CHLSN: variants seen among roughly 807,000 people sequenced by gnomAD.
CHLSN encodes the protein cholesin.
At chr7:1,108,765 C>T in the CHLSN span, among the ~76,000 whole-genome samples, 3 of 152,200 alleles carry the variant, frequency 2.0e-5, no homozygotes, top group African/African-American at 7.2e-5. Context: ...ACCGTGTGCA[C>T]CCGCTTTGAT....
chr7:1,058,496 G>C, the CHLSN span: 1 of 779,596 alleles, frequency 1.3e-6, no homozygotes, highest in African/African-American at 1.7e-5. Context: ...ACCACATGGG[G>C]GTGCAGCAGG....
At chr7:993,267 G>A in the CHLSN span, among the ~76,000 whole-genome samples, 11 of 152,226 alleles carry the variant, frequency 7.2e-5, no homozygotes, top group South Asian at 2.1e-4. Flanking sequence ...CCACTGGAGG[G>A]CGCATGGCAC....
chr7:993,847 T>C, the CHLSN span, among the ~76,000 whole-genome samples: 1 of 151,908 alleles, frequency 6.6e-6, no homozygotes, highest in Non-Finnish European at 1.5e-5. Context: ...CGGCCGAACC[T>C]GTGTCACTCT....
chr7:985,849 A>T, the CHLSN span, among the ~76,000 whole-genome samples: 1 of 152,186 alleles, frequency 6.6e-6, no homozygotes, highest in Non-Finnish European at 1.5e-5. Flanking sequence ...TCACGGCTGG[A>T]CCCAGAGACC....
chr7:1,069,433 C>T, the CHLSN span, among the ~76,000 whole-genome samples: 1 of 148,594 alleles, frequency 6.7e-6, no homozygotes, highest in African/African-American at 2.5e-5. Context: ...TGTACTGCTG[C>T]CATCTCGGCT....
chr7:1,028,303 C>G, the CHLSN span: 1 of 1,052,192 alleles, frequency 9.5e-7, no homozygotes. Flanking sequence ...GGCGCCGGGG[C>G]AGGGATGCGC....
At chr7:983,136 C>T in the CHLSN span, 2 of 1,274,234 alleles carry the variant, frequency 1.6e-6, no homozygotes, top group African/African-American at 1.5e-5. Context: ...GCGGGCACGC[C>T]CTCCCGCGGA....
At chr7:1,031,288 T>C in the CHLSN span, among the ~76,000 whole-genome samples, 1 of 152,214 alleles carries the variant, frequency 6.6e-6, no homozygotes, top group Non-Finnish European at 1.5e-5. Context: ...TAGGCTGTTT[T>C]TCTGAGATTT....
the CHLSN span, among the ~76,000 whole-genome samples, chr7:1,022,171 A>G: frequency 3.3e-5 from 5 of 152,200 alleles, no homozygotes; most frequent in African/African-American, 1.2e-4. Context: ...TGGTGACGGC[A>G]GCTCAGGAGG....
chr7:1,136,255 A>G, the CHLSN span, among the ~76,000 whole-genome samples: 1 of 118,462 alleles, frequency 8.4e-6, no homozygotes, highest in Non-Finnish European at 1.6e-5. Context: ...ATAAATATAT[A>G]TAAACATATA....
chr7:1,111,159 A>G, the CHLSN span, among the ~76,000 whole-genome samples: 1 of 152,226 alleles, frequency 6.6e-6, no homozygotes, highest in African/African-American at 2.4e-5. Context: ...TCTGTGGTAA[A>G]CTTTTGAGGA....
the CHLSN span, among the ~76,000 whole-genome samples, chr7:1,126,343 G>C: frequency 4.1e-5 from 5 of 121,816 alleles, no homozygotes; most frequent in Non-Finnish European, 8.1e-5. Context: ...CTGGGTGACA[G>C]AGCGAGACTC....
the CHLSN span, among the ~76,000 whole-genome samples, chr7:1,072,300 G>A: frequency 1.3e-5 from 2 of 152,176 alleles, no homozygotes; most frequent in African/African-American, 4.8e-5. Flanking sequence ...AGGAGGGCAC[G>A]GAAAACGTCC....
At chr7:1,097,367 G>A in the CHLSN span, among the ~76,000 whole-genome samples, 50 of 152,284 alleles carry the variant, frequency 3.3e-4, no homozygotes, top group African/African-American at 1.2e-3. This position sits in a 1 kb window ranked among gnomAD's most constrained non-coding sequence, Gnocchi z 4.3. Flanking sequence ...CAAAGGACAC[G>A]GTGTCCTCGC....
At chr7:986,651 G>T in the CHLSN span, 1 of 1,612,722 alleles carries the variant, frequency 6.2e-7, no homozygotes, top group African/African-American at 1.3e-5. Context: ...ATGGCTCGGG[G>T]CCCTGCTCCA....
the CHLSN span, among the ~76,000 whole-genome samples, chr7:1,017,878 T>C: frequency 6.6e-6 from 1 of 152,238 alleles, no homozygotes; most frequent in Admixed American, 6.5e-5. Flanking sequence ...CTTGGTGGGA[T>C]GGCGCCTCGC....
the CHLSN span, chr7:1,093,808 G>T: frequency 2.5e-6 from 1 of 404,406 alleles, no homozygotes; most frequent in South Asian, 1.9e-5. Flanking sequence ...TGTCATGTGC[G>T]GATCCTTCCG....
chr7:1,048,505 G>A, the CHLSN span, among the ~76,000 whole-genome samples: 1 of 152,052 alleles, frequency 6.6e-6, no homozygotes, highest in Non-Finnish European at 1.5e-5. Context: ...CCCACACTCA[G>A]GCCCCCTCTG....
chr7:1,071,012 G>T, the CHLSN span, among the ~76,000 whole-genome samples: 1 of 150,540 alleles, frequency 6.6e-6, no homozygotes, highest in Non-Finnish European at 1.5e-5. Flanking sequence ...ACACGCACAT[G>T]CACACACATG....
Sources: gnomAD v4.1 joint callset for allele counts (sites outside exome capture counted in the v4.1 genomes callset) on GRCh38, gnomAD v4.1.1 for gene constraint, Gnocchi (gnomAD v3.1) non-coding constraint, MANE v1.5 for transcripts, NCBI Gene and HGNC (gene_info 2026-07-23, HGNC 2026-07-21) for gene names.